The following MPDZ variants were observed in gnomAD, a reference collection of about 807,000 sequenced individuals.
The protein encoded by MPDZ is multiple PDZ domain crumbs cell polarity complex component.
MPDZ carries 234 observed loss-of-function variants against 239.1 expected under a neutral mutation model. The ratio of observed to expected loss-of-function variants is 0.98; its 90% CI spans 0.88 to 1.09. MPDZ has a LOEUF of 1.09. Ranked by LOEUF, MPDZ falls within the 50% of genes least tolerant of loss-of-function variation. MPDZ has a pLI of 0.00. For synonymous variants in MPDZ, 1,048 were observed against 881.3 expected, an observed-to-expected ratio of 1.19 and a Z score of -3.35; for missense variants, 3,175 against 2,510.0, an observed-to-expected ratio of 1.26 and a Z score of -5.66.
chr9:13,140,419 T>C (rs890767367), intron 27 of MPDZ, among the ~76,000 whole-genome samples: 4 of 146,424 alleles, frequency 2.7e-5, no homozygotes, highest in East Asian at 2.0e-4. Flanking sequence ...TGTATATATA[T>C]GAGCTTTCCA....
At chr9:13,137,583 T>C (rs1459836373) in intron 29 of MPDZ, among the ~76,000 whole-genome samples, 2 of 152,120 alleles carry the variant, frequency 1.3e-5, no homozygotes, top group Non-Finnish European at 1.5e-5. Context: ...ACTTCTCCCA[T>C]TAGTGATTCA....
intron 1 of MPDZ, among the ~76,000 whole-genome samples, chr9:13,253,444 G>A (rs907931025): frequency 2.6e-5 from 4 of 152,082 alleles, no homozygotes; most frequent in Non-Finnish European, 5.9e-5. Flanking sequence ...CTCCTGTACT[G>A]AGGATTCAGT....
intron 1 of MPDZ, among the ~76,000 whole-genome samples, chr9:13,272,700 T>TAAAAAAAAAAAAAAAAA (rs539786957): frequency 3.8e-5 from 3 of 78,556 alleles, no homozygotes; most frequent in Non-Finnish European, 7.5e-5. Context: ...CTGTTCCTAC[T>TAAAAAAAAAAAAAAAAA]AAAAAAAAAA....
intron 45 of MPDZ, among the ~76,000 whole-genome samples, chr9:13,109,275 C>G (rs1392041531): frequency 6.6e-6 from 1 of 152,062 alleles, no homozygotes; most frequent in Non-Finnish European, 1.5e-5. Context: ...ACTTAACACC[C>G]TAATTCTATT....
At chr9:13,220,234 G>C (rs1958926606) in intron 7 of MPDZ, among the ~76,000 whole-genome samples, 1 of 151,890 alleles carries the variant, frequency 6.6e-6, no homozygotes, top group Non-Finnish European at 1.5e-5. Context: ...TGTCCCAAAA[G>C]AACTCATGTG....
chr9:13,219,439 C>T, intron 8 of MPDZ, 120 bp downstream of exon 8: 1 of 838,866 alleles, frequency 1.2e-6, no homozygotes, highest in South Asian at 1.9e-5. Flanking sequence ...ATTTGAATTT[C>T]ATTCCATTCT....
At chr9:13,202,337 G>C (rs1262852291) in intron 12 of MPDZ, among the ~76,000 whole-genome samples, 1 of 152,138 alleles carries the variant, frequency 6.6e-6, no homozygotes, top group Non-Finnish European at 1.5e-5. Flanking sequence ...GAAGATTTAA[G>C]CTGGCACCAA....
intron 22 of MPDZ, among the ~76,000 whole-genome samples, chr9:13,164,010 C>T (rs1419360873): frequency 6.6e-6 from 1 of 152,092 alleles, no homozygotes; most frequent in East Asian, 1.9e-4. Flanking sequence ...ACCTCCATAC[C>T]CTCTACCACA....
At chr9:13,216,962 A>C (rs1484941886) in intron 9 of MPDZ, 100 bp from the exon 10 acceptor site, 1 of 923,490 alleles carries the variant, frequency 1.1e-6, no homozygotes. Flanking sequence ...CAGAATAAAT[A>C]CGTATCATCT....
intron 3 of MPDZ, among the ~76,000 whole-genome samples, chr9:13,236,386 TCCTGCCTCAG>T (rs1188018800): frequency 1.3e-5 from 2 of 148,238 alleles, no homozygotes; most frequent in African/African-American, 2.5e-5. Flanking sequence ...CAAACGGTTC[TCCTGCCTCAG>T]CCTACCAAGT....
rs1586887065 is a variant in MPDZ, at chr9:13,114,323, G to A, written c.5467-302C>T. Among the ~76,000 whole-genome samples, 4 of 152,260 alleles carry A rather than the reference G, an allele frequency of 2.6e-5. No homozygotes were observed. In the South Asian group the frequency reaches 8.3e-4, roughly 32 times the overall value. ...TCTTCTTTAAATTTAAACTGATGTTGTAGGAAGACTAGGACTTAAACAAAA... is the reference window on the plus strand; with the variant it reads ...TCTTCTTTAAATTTAAACTGATGTTATAGGAAGACTAGGACTTAAACAAAA... On this transcript the variant is annotated intron_variant, in intron 40 of 46. Coordinates refer to ENST00000319217, the MANE Select transcript of MPDZ (RefSeq NM_001378778.1).
chr9:13,159,146 C>G (rs1470340510), intron 23 of MPDZ, among the ~76,000 whole-genome samples: 3 of 152,162 alleles, frequency 2.0e-5, no homozygotes, highest in African/African-American at 7.2e-5. Flanking sequence ...CAGAAGTCAT[C>G]TAATCCAGTC....
chr9:13,165,161 C>A (rs1337388104), intron 22 of MPDZ, among the ~76,000 whole-genome samples: 2 of 152,132 alleles, frequency 1.3e-5, no homozygotes, highest in Non-Finnish European at 2.9e-5. Flanking sequence ...AGTTCACAAT[C>A]ATCAGTACAA....
Position 13,192,250 on chromosome 9 carries a change from TCAC to T in MPDZ, c.1846_1848del (p.Val616del), listed in dbSNP as rs772846114. 5 of 1,605,092 alleles carry T rather than the reference TCAC, an allele frequency of 3.1e-6. No homozygotes were observed. Among genetic ancestry groups the T allele is most frequent in the Admixed American group, 1.7e-5 (1 of 58,848 alleles). The stretch of plus-strand genomic sequence containing the variant: ...TCTATAGGCAGTTCTTTTAAGATAT[TCAC>T]CACATCTTGGTGATTTTCCCCAAGT... On this transcript the variant is annotated inframe_deletion, in exon 15 of 47. Coordinates refer to ENST00000319217, the MANE Select transcript of MPDZ (RefSeq NM_001378778.1).
At chr9:13,128,784 C>T (rs1025881626) in intron 32 of MPDZ, among the ~76,000 whole-genome samples, 1 of 152,178 alleles carries the variant, frequency 6.6e-6, no homozygotes. Context: ...GCCATCCTCT[C>T]CCTTCTCCCA....
At position 13,183,404 on chromosome 9, in the gene MPDZ, C is replaced by T. The variant is rs367616750; in HGVS notation, c.2649+14G>A. Reference sequence around the variant, plus strand: ...GACTTTCCTATAAAAGAAAAATTGGCTTTTCCTTTGTACCTTAGGAGGAGA... The same window carrying T: ...GACTTTCCTATAAAAGAAAAATTGGTTTTTCCTTTGTACCTTAGGAGGAGA... On this transcript the variant is annotated intron_variant, in intron 19 of 46. Transcript: ENST00000319217. The T allele has an allele frequency of 6.3e-7, 1 of 1,577,606 alleles. No homozygotes were observed. The highest frequency in any genetic ancestry group is 8.6e-7 in the Non-Finnish European group (1 of 1,166,728).
At chr9:13,125,074 A>G in intron 35 of MPDZ, 142 bp downstream of exon 35, 1 of 646,236 alleles carries the variant, frequency 1.5e-6, no homozygotes, top group Non-Finnish European at 2.5e-6. Flanking sequence ...CTCTCTTTAT[A>G]TCCTGCCCTC....
chr9:13,172,474 C>A (rs1951913588), intron 21 of MPDZ, among the ~76,000 whole-genome samples: 1 of 151,548 alleles, frequency 6.6e-6, no homozygotes, highest in African/African-American at 2.4e-5. Context: ...CCTCCACCTC[C>A]CGAGTTCAAG....
At chr9:13,139,770 C>CTTTAACAGCACT in intron 28 of MPDZ, 1 of 562,516 alleles carries the variant, frequency 1.8e-6, no homozygotes, top group Non-Finnish European at 3.2e-6. Context: ...GCAGAGTGAG[C>CTTTAACAGCACT]TTTAACAGCA....
Sources: gnomAD v4.1 joint callset for allele counts (sites outside exome capture counted in the v4.1 genomes callset) on GRCh38, gnomAD v4.1.1 for gene constraint, MANE v1.5 for transcripts, NCBI Gene and HGNC (gene_info 2026-07-23, HGNC 2026-07-21) for gene names.